The following SPIRE1 variants were observed in gnomAD, a reference collection of about 807,000 sequenced individuals.
SPIRE1 encodes protein spire homolog 1.
SPIRE1 carries 40 observed loss-of-function variants against 94.1 expected under a neutral mutation model. The ratio of observed to expected loss-of-function variants is 0.43; its 90% CI spans 0.33 to 0.55. The LOEUF is 0.55. Among genes scored for constraint, SPIRE1 ranks in the 20% least tolerant of loss-of-function variants. The pLI, the probability that SPIRE1 is intolerant of heterozygous loss-of-function variation, is 0.06. For synonymous variants in SPIRE1, 376 were observed against 371.7 expected (o/e 1.01, Z -0.13); for missense variants, 838 against 975.2 (o/e 0.86, Z 1.87).
At chr18:12,537,313 A>G (rs191530868) in intron 3 of SPIRE1, among the ~76,000 whole-genome samples, 1 of 152,106 alleles carries the variant, frequency 6.6e-6, no homozygotes, top group East Asian at 1.9e-4. Context: ...GCTTTACCTT[A>G]TGTAACTTAA....
Position 12,657,764 on chromosome 18 carries a change from C to T in SPIRE1, c.103G>A (p.Gly35Ser). The T allele has an allele frequency of 1.5e-6, 2 of 1,340,246 alleles. No homozygotes were observed. Among genetic ancestry groups the T allele is most frequent in the Non-Finnish European group, 1.9e-6 (2 of 1,038,348 alleles). 83.0% of individuals were successfully genotyped at this position (1,340,246 alleles called of 1,614,324 possible). The change falls in exon 1 of 17, where the codon GGC (glycine) becomes AGC (serine). Residue 35 changes from glycine (G) to serine (S), a missense_variant. Coordinates refer to ENST00000409402, the MANE Select transcript of SPIRE1 (RefSeq NM_001128626.2). ...EPGAAGGAAG[G>S]SRDALSLEEI... ...TCCAGGCTCAGCGCGTCCCGGGAGC[C>T]CCCGGCCGCGCCGCCGGCTGCCCCG...
At chr18:12,605,243 G>A (rs2036940401) in intron 2 of SPIRE1, among the ~76,000 whole-genome samples, 1 of 152,200 alleles carries the variant, frequency 6.6e-6, no homozygotes, top group African/African-American at 2.4e-5. Flanking sequence ...AAAAGGCTGG[G>A]CATGGTGGCT....
At chr18:12,506,691 C>T (rs2033848242) in intron 5 of SPIRE1, 50 bp from the exon 6 acceptor site, 1 of 1,522,178 alleles carries the variant, frequency 6.6e-7, no homozygotes, top group African/African-American at 1.4e-5. Flanking sequence ...GTACTAGTTT[C>T]TTCTAAACAG....
At chr18:12,626,428 T>G (rs1459793122) in intron 2 of SPIRE1, among the ~76,000 whole-genome samples, 3 of 152,182 alleles carry the variant, frequency 2.0e-5, no homozygotes, top group Non-Finnish European at 4.4e-5. Flanking sequence ...CTTTACAAGT[T>G]CCTACAGTAC....
intron 1 of SPIRE1, among the ~76,000 whole-genome samples, chr18:12,639,516 G>C (rs773271363): frequency 6.6e-6 from 1 of 152,078 alleles, no homozygotes; most frequent in African/African-American, 2.4e-5. Context: ...GGTGGATCAC[G>C]AGGTCAGGAG....
chr18:12,586,262 A>G (rs1483552495), intron 2 of SPIRE1, among the ~76,000 whole-genome samples: 1 of 152,170 alleles, frequency 6.6e-6, no homozygotes, highest in Non-Finnish European at 1.5e-5. Flanking sequence ...CCTCTTTCAT[A>G]CTTTTTAAAT....
At chr18:12,642,526 T>C (rs1374325944) in intron 1 of SPIRE1, among the ~76,000 whole-genome samples, 1 of 152,216 alleles carries the variant, frequency 6.6e-6, no homozygotes, top group Non-Finnish European at 1.5e-5. Flanking sequence ...TATTATCTTT[T>C]ATCTATTTTA....
Position 12,577,262 on chromosome 18 carries a change from C to T in SPIRE1, c.373-30358G>A, listed in dbSNP as rs914658870. Among the ~76,000 whole-genome samples, 6 of 152,130 alleles carry T rather than the reference C, an allele frequency of 3.9e-5. No homozygotes were observed. The South Asian group carries it at 6.2e-4, about 16-fold the overall frequency. ...TCCCAGGGTTACACCATTCTCCTGCCTCAGCCTCCCCAGTAGCTGGGACTA... is the reference window on the plus strand; with the variant it reads ...TCCCAGGGTTACACCATTCTCCTGCTTCAGCCTCCCCAGTAGCTGGGACTA... On this transcript the variant is annotated intron_variant, in intron 2 of 16. Coordinates refer to ENST00000409402, the MANE Select transcript of SPIRE1 (RefSeq NM_001128626.2).
chr18:12,613,196 C>G (rs2144695010), intron 2 of SPIRE1, among the ~76,000 whole-genome samples: 1 of 152,294 alleles, frequency 6.6e-6, no homozygotes, highest in African/African-American at 2.4e-5. Flanking sequence ...TCTTCAAGGA[C>G]TTAGTAACCA....
At chr18:12,544,181 AT>A (rs928020378) in intron 3 of SPIRE1, among the ~76,000 whole-genome samples, 11 of 151,378 alleles carry the variant, frequency 7.3e-5, no homozygotes, top group South Asian at 2.1e-4. Context: ...CCTTAAAAAA[AT>A]TTTTTTTCTT....
At chr18:12,524,498 T>C (rs2034445904) in intron 4 of SPIRE1, among the ~76,000 whole-genome samples, 1 of 152,208 alleles carries the variant, frequency 6.6e-6, no homozygotes, top group Admixed American at 6.5e-5. Context: ...TGTTTTCTTT[T>C]CTCTAGGAAA....
chr18:12,564,376 A>G (rs1335555244), intron 2 of SPIRE1, among the ~76,000 whole-genome samples: 2 of 152,240 alleles, frequency 1.3e-5, no homozygotes, highest in Non-Finnish European at 2.9e-5. Context: ...GTCAAACTCT[A>G]GAAGCCATAA....
chr18:12,556,911 G>A (rs948556013), intron 2 of SPIRE1, among the ~76,000 whole-genome samples: 2 of 151,668 alleles, frequency 1.3e-5, no homozygotes. Context: ...TCCCTTATCC[G>A]ACCCCACCCA....
intron 2 of SPIRE1, among the ~76,000 whole-genome samples, chr18:12,631,780 G>A (rs1022081173): frequency 5.3e-5 from 8 of 152,052 alleles, no homozygotes; most frequent in Non-Finnish European, 1.2e-4. Context: ...TAGTAGAATC[G>A]CTTGAACCCA....
intron 1 of SPIRE1, among the ~76,000 whole-genome samples, chr18:12,647,851 C>T (rs1009265544): frequency 2.0e-5 from 3 of 152,118 alleles, no homozygotes; most frequent in Non-Finnish European, 2.9e-5. Flanking sequence ...AACAAGAGCT[C>T]CCTGGAAATA....
At chr18:12,604,309 C>T (rs778200508) in intron 2 of SPIRE1, among the ~76,000 whole-genome samples, 1 of 152,038 alleles carries the variant, frequency 6.6e-6, no homozygotes, top group African/African-American at 2.4e-5. Flanking sequence ...AGCATCAGAA[C>T]GGAACTGAAT....
chr18:12,611,232 C>T (rs1243182069), intron 2 of SPIRE1, among the ~76,000 whole-genome samples: 2 of 152,164 alleles, frequency 1.3e-5, no homozygotes, highest in Non-Finnish European at 2.9e-5. Context: ...CCTAATGGCC[C>T]CCACCCTCTT....
At chr18:12,494,221 C>A (rs1273477289) in intron 7 of SPIRE1, among the ~76,000 whole-genome samples, 1 of 152,128 alleles carries the variant, frequency 6.6e-6, no homozygotes, top group Non-Finnish European at 1.5e-5. Flanking sequence ...GCTGTGAACA[C>A]CCCGCTCTAC....
intron 4 of SPIRE1, among the ~76,000 whole-genome samples, chr18:12,513,734 G>T (rs929126758): frequency 6.6e-6 from 1 of 152,134 alleles, no homozygotes; most frequent in South Asian, 2.1e-4. Context: ...TGTCGGTCAG[G>T]CTGTTCTCAA....
Sources: gnomAD v4.1 joint callset for allele counts (sites outside exome capture counted in the v4.1 genomes callset) on GRCh38, gnomAD v4.1.1 for gene constraint, MANE v1.5 for transcripts, NCBI Gene and HGNC (gene_info 2026-07-23, HGNC 2026-07-21) for gene names.